The following CCDC34 variants were observed in gnomAD, a reference collection of about 807,000 sequenced individuals.
CCDC34 encodes the protein coiled-coil domain-containing protein 34.
CCDC34 carries 40 observed loss-of-function variants against 44.1 expected under a neutral mutation model. The observed-to-expected ratio is 0.91, with a 90% confidence interval of 0.70 to 1.18. The LOEUF (loss-of-function observed/expected upper bound fraction) is 1.18. CCDC34 is among the 50% of genes most tolerant of loss of function. The pLI is 0.00. For synonymous variants in CCDC34, 159 were observed against 158.2 expected (o/e 1.01, Z -0.04); for missense variants, 466 against 452.3 (o/e 1.03, Z -0.28).
chr11:27,352,459 A>G (rs1381651800), intron 2 of CCDC34, among the ~76,000 whole-genome samples: 6 of 152,064 alleles, frequency 3.9e-5, no homozygotes, highest in African/African-American at 1.2e-4. Context: ...ATACATATAT[A>G]TACATGTACA....
intron 3 of CCDC34, chr11:27,349,157 C>T (rs1862472722): frequency 1.0e-6 from 1 of 977,724 alleles, no homozygotes; most frequent in Non-Finnish European, 1.2e-6. Flanking sequence ...AAAGAGCAAA[C>T]TATTCTGCAT....
intron 1 of CCDC34, 127 bp from the exon 2 acceptor site, chr11:27,357,668 T>A: frequency 1.3e-6 from 1 of 745,060 alleles, no homozygotes; most frequent in Non-Finnish European, 2.1e-6. Flanking sequence ...TTTACAAATA[T>A]ACAGGAATTA....
intron 1 of CCDC34, 128 bp downstream of exon 1, chr11:27,362,708 G>T: frequency 9.4e-7 from 1 of 1,060,962 alleles, no homozygotes; most frequent in East Asian, 2.4e-5. Flanking sequence ...AAAAAACCAC[G>T]GCACCTCAGT....
intron 5 of CCDC34, among the ~76,000 whole-genome samples, chr11:27,339,622 A>G (rs1188100707): frequency 6.6e-6 from 1 of 152,214 alleles, no homozygotes; most frequent in Non-Finnish European, 1.5e-5. Context: ...TAATAAACAC[A>G]TTTGAAGGAA....
intron 3 of CCDC34, among the ~76,000 whole-genome samples, chr11:27,345,496 T>C (rs1862420095): frequency 6.6e-6 from 1 of 152,196 alleles, no homozygotes; most frequent in Admixed American, 6.5e-5. Flanking sequence ...CCATGTGTTC[T>C]CATTGTTCAG....
intron 2 of CCDC34, among the ~76,000 whole-genome samples, chr11:27,352,185 C>G (rs1590328164): frequency 1.3e-5 from 2 of 152,094 alleles, no homozygotes; most frequent in African/African-American, 4.8e-5. Flanking sequence ...GGGTTCGAGA[C>G]CAGCCTGGGC....
chr11:27,359,077 C>T (rs1412749481), intron 1 of CCDC34, among the ~76,000 whole-genome samples: 1 of 151,154 alleles, frequency 6.6e-6, no homozygotes, highest in Admixed American at 6.7e-5. Flanking sequence ...ACCATCTGGA[C>T]AAAACTGGCC....
intron 1 of CCDC34, among the ~76,000 whole-genome samples, chr11:27,362,529 G>A (rs1862680564): frequency 6.6e-6 from 1 of 152,174 alleles, no homozygotes; most frequent in Non-Finnish European, 1.5e-5. Context: ...GGCTTTTGAG[G>A]ATTCATAGAA....
chr11:27,357,043 T>G (rs1305679048), intron 2 of CCDC34, among the ~76,000 whole-genome samples: 6 of 152,172 alleles, frequency 3.9e-5, no homozygotes, highest in Non-Finnish European at 1.5e-5. Context: ...TGTACATATG[T>G]TGATGCTCCA....
intron 3 of CCDC34, among the ~76,000 whole-genome samples, chr11:27,348,580 T>C (rs1490033330): frequency 2.6e-5 from 4 of 152,178 alleles, no homozygotes; most frequent in Non-Finnish European, 4.4e-5. Context: ...TGTGTCTGAT[T>C]TTTTGATAAA....
At chr11:27,353,025 G>A (rs1416184289) in intron 2 of CCDC34, among the ~76,000 whole-genome samples, 1 of 152,034 alleles carries the variant, frequency 6.6e-6, no homozygotes, top group African/African-American at 2.4e-5. Context: ...GCCCCTACAT[G>A]GTCTTCTGGT....
intron 3 of CCDC34, among the ~76,000 whole-genome samples, chr11:27,341,805 G>A (rs1423758067): frequency 6.6e-6 from 1 of 152,170 alleles, no homozygotes; most frequent in Non-Finnish European, 1.5e-5. Context: ...TCCACTCAGA[G>A]CCTGGGGCAG....
intron 1 of CCDC34, among the ~76,000 whole-genome samples, chr11:27,362,326 C>G (rs11029976): frequency 0.043 from 6,513 of 152,326 alleles, 224 homozygotes; most frequent in Middle Eastern, 0.068. Context: ...AACCACGTCT[C>G]CACATGCTGA....
At position 27,350,155 on chromosome 11, in the gene CCDC34, G is replaced by A. The variant is rs1394254584; in HGVS notation, c.606+177C>T. ...AGGAGGGAAAAAGGAGAAAAGTAGA[G>A]GGCAAAGGGCAGAAGATAGAGACTT... On this transcript the variant is annotated intron_variant, in intron 3 of 5. Coordinates refer to ENST00000328697, the MANE Select transcript of CCDC34 (RefSeq NM_030771.2). 4 of 1,490,044 alleles carry A rather than the reference G, an allele frequency of 2.7e-6. No homozygotes were observed. The African/African-American group carries it at 4.3e-5, about 16-fold the overall frequency. 92.3% of individuals were successfully genotyped at this position (1,490,044 alleles called of 1,614,324 possible). A position where few individuals can be genotyped will look rare whatever the true frequency, so the allele number is the denominator to read the frequency against.
chr11:27,356,008 ATTTTTT>A (rs34146389), intron 2 of CCDC34, among the ~76,000 whole-genome samples: 2 of 69,510 alleles, frequency 2.9e-5, no homozygotes, highest in East Asian at 5.3e-4. Context: ...TGTTCCCAGG[ATTTTTT>A]TTTTTTTTTT....
intron 1 of CCDC34, among the ~76,000 whole-genome samples, chr11:27,362,593 G>C (rs1862681526): frequency 6.6e-6 from 1 of 152,116 alleles, no homozygotes; most frequent in Admixed American, 6.5e-5. Flanking sequence ...CATTTTTCTG[G>C]GAAGTGAGAC....
rs566510829 is a variant in CCDC34, at chr11:27,362,304, C to G, written c.359+532G>C. Among the ~76,000 whole-genome samples the G allele has an allele frequency of 1.5e-3, 229 of 152,328 alleles. 1 individual carries two copies. Among genetic ancestry groups the G allele is most frequent in the African/African-American group, 5.2e-3 (218 of 41,580 alleles). ...TGACATCCATTCCTCTGTGCATGCT[C>G]AGATCCTCTCTAACCACGTCTCCAC... is the stretch of plus-strand genomic sequence containing the variant. On this transcript the variant is annotated intron_variant, in intron 1 of 5. Transcript: ENST00000328697.
At chr11:27,358,722 A>G (rs1862614610) in intron 1 of CCDC34, among the ~76,000 whole-genome samples, 1 of 152,114 alleles carries the variant, frequency 6.6e-6, no homozygotes, top group Non-Finnish European at 1.5e-5. Flanking sequence ...TCCAGGCCAG[A>G]CCGTCATCTT....
In CCDC34 at chr11:27,363,035, G is replaced by A; in HGVS notation, c.160C>T (p.Pro54Ser). 5 of 1,614,068 alleles carry A rather than the reference G, an allele frequency of 3.1e-6. No individual in the cohort carries two copies. Among genetic ancestry groups the A allele is most frequent in the Non-Finnish European group, 4.2e-6 (5 of 1,179,998 alleles). ...GAATTGCTGCAGCTCAGCGGCAGCG[G>A]CGGCGACGGCGAGCGCACCACCTCC... ...GLEVVRSPSP[P>S]LPLSCSNSTR... Residue 54 changes from proline (P) to serine (S), a missense_variant, in exon 1 of 6, where the codon CCG (proline) becomes TCG (serine). Transcript: ENST00000328697.
Sources: allele counts gnomAD v4.1 joint callset (sites outside exome capture counted in the v4.1 genomes callset), GRCh38; gene constraint gnomAD v4.1.1; transcripts MANE v1.5; gene names NCBI Gene and HGNC (gene_info 2026-07-23, HGNC 2026-07-21).